Variants in PKDREJ observed in about 807,000 individuals in gnomAD.
The protein encoded by PKDREJ is PKD and REJ homolog.
For missense variants in PKDREJ, 2,507 were observed against 2,807.2 expected, an observed-to-expected ratio of 0.89 and a Z score of 2.42; for synonymous variants, 1,031 against 1,095.5, an observed-to-expected ratio of 0.94 and a Z score of 1.16.
Position 46,262,816 on chromosome 22 carries a change from T to A in PKDREJ, c.507A>T (p.Pro169=), listed in dbSNP as rs1936714028. 2 of 1,269,436 alleles carry A rather than the reference T, an allele frequency of 1.6e-6. No homozygotes were observed. Among genetic ancestry groups the A allele is most frequent in the African/African-American group, 3.1e-5 (2 of 64,870 alleles). 78.6% of individuals were successfully genotyped at this position (1,269,436 alleles called of 1,614,324 possible). The change falls in exon 1 of 1, where the codon CCA becomes CCT. Residue 169 remains proline, a synonymous_variant. Transcript: ENST00000253255. The surrounding 1 kb of genome is among the most constrained non-coding windows in gnomAD (Gnocchi z 8.1). ...AARVSPRSAA[P]GPRPQQGFVA... Reference sequence around the variant, plus strand: ...CGAAGCCCTGCTGGGGCCGCGGGCCTGGCGCGGCGGAGCGCGGGGAGACGC... The same window carrying A: ...CGAAGCCCTGCTGGGGCCGCGGGCCAGGCGCGGCGGAGCGCGGGGAGACGC...
rs1323295439 is a variant in PKDREJ, at chr22:46,262,936, G to C, written c.387C>G (p.Ser129=). 81 of 1,078,528 alleles carry C rather than the reference G, an allele frequency of 7.5e-5. No homozygotes were observed. The highest frequency in any genetic ancestry group is 8.2e-5 in the Non-Finnish European group (73 of 892,272). 66.8% of individuals were successfully genotyped at this position (1,078,528 alleles called of 1,614,324 possible). Residue 129 remains serine, a synonymous_variant, in exon 1 of 1, where the codon TCC becomes TCG. Coordinates refer to ENST00000253255, the MANE Select transcript of PKDREJ (RefSeq NM_006071.2). This position sits in a 1 kb window ranked among gnomAD's most constrained non-coding sequence, Gnocchi z 8.1. ...ARGGRLSLTW[S]VRLPRSPGRL... ...GCCCGGGCGAGCGCGGCAGCCGCACGGACCACGTCAGGGAGAGGCGGCCGC... is the reference window on the plus strand; with the variant it reads ...GCCCGGGCGAGCGCGGCAGCCGCACCGACCACGTCAGGGAGAGGCGGCCGC...
chr22:46,259,266 T>G lies in PKDREJ; in HGVS notation c.4057A>C (p.Thr1353Pro), dbSNP rs1936668263. The G allele has an allele frequency of 1.9e-6, 3 of 1,614,174 alleles. No individual in the cohort carries two copies. The highest frequency in any genetic ancestry group is 2.5e-6 in the Non-Finnish European group (3 of 1,180,042). Residue 1353 changes from threonine to proline, a missense_variant, in exon 1 of 1, where the codon ACT (threonine) becomes CCT (proline). Thr to Pro is a conservative substitution (Grantham distance 38). Transcript: ENST00000253255. The surrounding 1 kb of genome is among the most constrained non-coding windows in gnomAD (Gnocchi z 6.8). The stretch of plus-strand genomic sequence containing the variant: ...TCTATAAAGAAAAAGTCTTTTCTAG[T>G]CAGACGCTCATCTGGATGGGTAACG... ...FHVTHPDERL[T>P]RKDFFFIDVS... is the part of the protein sequence containing the mutation.
chr22:46,257,790 C>A lies in PKDREJ; in HGVS notation c.5533G>T (p.Asp1845Tyr), dbSNP rs754599047. 6.2e-7 allele frequency: 1 copy of A among 1,614,080 alleles called. No individual in the cohort carries two copies. Among genetic ancestry groups the A allele is most frequent in the African/African-American group, 1.3e-5 (1 of 74,942 alleles). Residue 1845 changes from aspartate (D) to tyrosine (Y), a missense_variant, in exon 1 of 1, where the codon GAT becomes TAT. Physicochemically the swap from Asp to Tyr is radical, Grantham distance 160. Coordinates refer to ENST00000253255, the MANE Select transcript of PKDREJ (RefSeq NM_006071.2). This position sits in a 1 kb window ranked among gnomAD's most constrained non-coding sequence, Gnocchi z 4.7. ...KNYSGFWNEVDKQAIDESTNG... is the reference protein window; with the variant it reads ...KNYSGFWNEVYKQAIDESTNG... ...GTACTCTCATCTATAGCCTGCTTAT[C>A]AACTTCATTCCAAAAGCCAGAATAG...
In PKDREJ at chr22:46,260,780, C is replaced by T. The variant is rs1250216102; in HGVS notation, c.2543G>A (p.Gly848Glu). The change falls in exon 1 of 1, where the codon GGG becomes GAG. Residue 848 changes from glycine (G) to glutamate (E), a missense_variant. Coordinates refer to ENST00000253255, the MANE Select transcript of PKDREJ (RefSeq NM_006071.2). This position sits in a 1 kb window ranked among gnomAD's most constrained non-coding sequence, Gnocchi z 4.5. ...SDTILANKVP[G>E]NKTTSMRTPN... is the part of the protein sequence containing the mutation. ...GGTTCTCATTGAGGTGGTTTTGTTC[C>T]CTGGCACTTTATTAGCCAGTATTGT... 1.2e-6 allele frequency: 2 copies of T among 1,613,972 alleles called. No individual in the cohort carries two copies. Among genetic ancestry groups the T allele is most frequent in the East Asian group, 2.2e-5 (1 of 44,888 alleles).
At position 46,257,398 on chromosome 22, in the gene PKDREJ, G is replaced by GA; in HGVS notation, c.5924dup (p.Ala1977SerfsTer5). ...AACCCTCATCAACAACGTAGGCTAA[G>GA]AAAAAAATGAGAATGGCCACATACA... On this transcript the variant is annotated frameshift_variant, in exon 1 of 1. Coordinates refer to ENST00000253255, the MANE Select transcript of PKDREJ (RefSeq NM_006071.2). LOFTEE classifies it low-confidence loss of function (END_TRUNC). The surrounding 1 kb of genome is among the most constrained non-coding windows in gnomAD (Gnocchi z 4.7). 1 of 1,613,744 alleles carries GA rather than the reference G, an allele frequency of 6.2e-7. No individual in the cohort carries two copies. Among genetic ancestry groups the GA allele is most frequent in the Non-Finnish European group, 8.5e-7 (1 of 1,179,960 alleles).
At position 46,256,707 on chromosome 22, in the gene PKDREJ, A is replaced by G. The variant is rs368009620; in HGVS notation, c.6616T>C (p.Phe2206Leu). ...TTGGCCTTAGATTGCGAGGTCAGAA[A>G]GCTGAACATGGTTCTCAGCTTACGG... ...LCRKLRTMFS[F>L]LTSQSKAKDE... Residue 2206 changes from phenylalanine to leucine, a missense_variant, in exon 1 of 1, where the codon TTT becomes CTT. Phe to Leu is a conservative substitution (Grantham distance 22). Coordinates refer to ENST00000253255, the MANE Select transcript of PKDREJ (RefSeq NM_006071.2). This position sits in a 1 kb window ranked among gnomAD's most constrained non-coding sequence, Gnocchi z 5.3. The G allele has an allele frequency of 1.9e-6, 3 of 1,614,174 alleles. No homozygotes were observed. The highest frequency in any genetic ancestry group is 1.6e-4 in the Middle Eastern group (1 of 6,062).
chr22:46,259,257 C>A lies in PKDREJ; in HGVS notation c.4066G>T (p.Asp1356Tyr), dbSNP rs770914652. 8.1e-6 allele frequency: 13 copies of A among 1,613,786 alleles called. No individual in the cohort carries two copies. The South Asian group carries it at 1.2e-4, about 15-fold the overall frequency. Residue 1356 changes from aspartate (D) to tyrosine (Y), a missense_variant, in exon 1 of 1, where the codon GAC becomes TAC. Transcript: ENST00000253255. The surrounding 1 kb of genome is among the most constrained non-coding windows in gnomAD (Gnocchi z 6.8). ...THPDERLTRK[D>Y]FFFIDVSSNL... The stretch of plus-strand genomic sequence containing the variant: ...CTACTCACATCTATAAAGAAAAAGT[C>A]TTTTCTAGTCAGACGCTCATCTGGA...
rs34287403 is a variant in PKDREJ, at chr22:46,259,447, G to A, written c.3876C>T (p.Asp1292=). ...FLLTTKSDLG[D]IHSIRVWHNN... ...TGTGCCACACACGGATGGAATGGAT[G>A]TCCCCCAAGTCACTTTTTGTCGTTA... is the stretch of plus-strand genomic sequence containing the variant. The change falls in exon 1 of 1, where the codon GAC becomes GAT. Residue 1292 remains aspartate (D), a synonymous_variant. Coordinates refer to ENST00000253255, the MANE Select transcript of PKDREJ (RefSeq NM_006071.2). This position sits in a 1 kb window ranked among gnomAD's most constrained non-coding sequence, Gnocchi z 6.8. 28,866 of 1,614,132 alleles carry A rather than the reference G, an allele frequency of 0.018. 344 individuals are homozygous for A. Among genetic ancestry groups the A allele is most frequent in the Middle Eastern group, 0.04 (243 of 6,062 alleles).
chr22:46,259,657 T>C lies in PKDREJ; in HGVS notation c.3666A>G (p.Pro1222=), dbSNP rs763442673. Residue 1222 remains proline, a synonymous_variant, in exon 1 of 1, where the codon CCA becomes CCG. Transcript: ENST00000253255. The surrounding 1 kb of genome is among the most constrained non-coding windows in gnomAD (Gnocchi z 6.8). ...ATAAATTATCATAAGGATCATTATC[T>C]GGTAGAACTATCACATGCCCCCGAA... ...QHLRGHVIVL[P]DNDPYDNLCY... 6.2e-7 allele frequency: 1 copy of C among 1,614,206 alleles called. No individual in the cohort carries two copies.
Position 46,262,597 on chromosome 22 carries a change from G to A in PKDREJ, c.726C>T (p.Asn242=). 2 of 1,612,310 alleles carry A rather than the reference G, an allele frequency of 1.2e-6. No homozygotes were observed. Among genetic ancestry groups the A allele is most frequent in the African/African-American group, 1.3e-5 (1 of 74,982 alleles). ...CCGGGCAGTCCAGCTGCACCGAGGC[G>A]TTGATGGTGGCCTCCGCCTGCATGC... ...RLSMQAEATI[N]ASVQLDCPAA... is the part of the protein sequence containing the mutation. Residue 242 remains asparagine (N), a synonymous_variant, in exon 1 of 1, where the codon AAC becomes AAT. Coordinates refer to ENST00000253255, the MANE Select transcript of PKDREJ (RefSeq NM_006071.2). The surrounding 1 kb of genome is among the most constrained non-coding windows in gnomAD (Gnocchi z 8.1).
chr22:46,262,462 G>A lies in PKDREJ; in HGVS notation c.861C>T (p.Ser287=). The part of the protein sequence containing the change: ...LDLPQLEIRN[S]PLFIHIPNNS... The stretch of plus-strand genomic sequence containing the variant: ...TATTGGGGATGTGAATGAACAAGGG[G>A]CTGTTCCTGATCTCGAGCTGGGGCA... Residue 287 remains serine, a synonymous_variant, in exon 1 of 1, where the codon AGC becomes AGT. Transcript: ENST00000253255. This position sits in a 1 kb window ranked among gnomAD's most constrained non-coding sequence, Gnocchi z 8.1. 1 of 1,600,702 alleles carries A rather than the reference G, an allele frequency of 6.2e-7. No homozygotes were observed. Among genetic ancestry groups the A allele is most frequent in the Non-Finnish European group, 8.5e-7 (1 of 1,172,510 alleles).
At position 46,260,156 on chromosome 22, in the gene PKDREJ, A is replaced by G. The variant is rs749416179; in HGVS notation, c.3167T>C (p.Val1056Ala). ...PACTVKKARV[V>A]CLPVSLLQLI... ...TTGCAGCAGGGACACAGGGAGGCAG[A>G]CTACACGGGCCTTCTTCACTGTGCA... is the stretch of plus-strand genomic sequence containing the variant. The change falls in exon 1 of 1, where the codon GTC (valine) becomes GCC (alanine). Residue 1056 changes from valine to alanine, a missense_variant. Coordinates refer to ENST00000253255, the MANE Select transcript of PKDREJ (RefSeq NM_006071.2). This position sits in a 1 kb window ranked among gnomAD's most constrained non-coding sequence, Gnocchi z 4.5. The G allele has an allele frequency of 6.2e-7, 1 of 1,613,998 alleles. No homozygotes were observed. The highest frequency in any genetic ancestry group is 1.1e-5 in the South Asian group (1 of 91,066).
rs778545447 is a variant in PKDREJ, at chr22:46,257,567, G to T, written c.5756C>A (p.Thr1919Lys). ...CAGATTTATATCTGGATTAAAAGTT[G>T]TTAATTCCAAAACCACAGCCCATGT... Reference protein sequence around the residue: ...EKTWAVVLELTTFNPDINLFC... With the variant: ...EKTWAVVLELKTFNPDINLFC... The change falls in exon 1 of 1, where the codon ACA (threonine) becomes AAA (lysine). Residue 1919 changes from threonine (T) to lysine (K), a missense_variant. By Grantham distance (78) the Thr-to-Lys change is moderately conservative. Coordinates refer to ENST00000253255, the MANE Select transcript of PKDREJ (RefSeq NM_006071.2). The surrounding 1 kb of genome is among the most constrained non-coding windows in gnomAD (Gnocchi z 4.7). 6.2e-7 allele frequency: 1 copy of T among 1,614,114 alleles called. No individual in the cohort carries two copies. Among genetic ancestry groups the T allele is most frequent in the South Asian group, 1.1e-5 (1 of 91,066 alleles).
At position 46,260,647 on chromosome 22, in the gene PKDREJ, G is replaced by A; in HGVS notation, c.2676C>T (p.Ser892=). Residue 892 remains serine (S), a synonymous_variant, in exon 1 of 1, where the codon AGC becomes AGT. Coordinates refer to ENST00000253255, the MANE Select transcript of PKDREJ (RefSeq NM_006071.2). This position sits in a 1 kb window ranked among gnomAD's most constrained non-coding sequence, Gnocchi z 4.5. ...CATTTGCAGACAGACCAGGAACACT[G>A]CTCACATTGAGTGTTGGATAAAAAC... ...RNCFYPTLNV[S]SVPGLSANGP... 2 of 1,613,838 alleles carry A rather than the reference G, an allele frequency of 1.2e-6. No individual in the cohort carries two copies. The highest frequency in any genetic ancestry group is 1.7e-6 in the Non-Finnish European group (2 of 1,179,704).
chr22:46,257,995 C>A lies in PKDREJ; in HGVS notation c.5328G>T (p.Leu1776=), dbSNP rs774205705. ...AGCTTTCAGGAAGAAATGTTGGATT[C>A]AGGTCATTGTGTAACAAAGGCAACA... ...SVLLPLLHND[L]NPTFLPESSS... The change falls in exon 1 of 1, where the codon CTG becomes CTT. Residue 1776 remains leucine, a synonymous_variant. Coordinates refer to ENST00000253255, the MANE Select transcript of PKDREJ (RefSeq NM_006071.2). This position sits in a 1 kb window ranked among gnomAD's most constrained non-coding sequence, Gnocchi z 4.7. 7.4e-6 allele frequency: 12 copies of A among 1,613,906 alleles called. No individual in the cohort carries two copies. The highest frequency in any genetic ancestry group is 1.0e-5 in the Non-Finnish European group (12 of 1,180,018).
Position 46,262,485 on chromosome 22 carries a change from GCAGATC to G in PKDREJ, c.832_837del (p.Asp278_Leu279del). On this transcript the variant is annotated inframe_deletion, in exon 1 of 1. Transcript: ENST00000253255. The surrounding 1 kb of genome is among the most constrained non-coding windows in gnomAD (Gnocchi z 8.1). ...GGGCTGTTCCTGATCTCGAGCTGGG[GCAGATC>G]CAAGGGCTGCGTCCAGTCGGGCGCC... 6.3e-7 allele frequency: 1 copy of G among 1,593,410 alleles called. No homozygotes were observed. The highest frequency in any genetic ancestry group is 8.6e-7 in the Non-Finnish European group (1 of 1,168,800).
Position 46,260,561 on chromosome 22 carries a change from T to C in PKDREJ, c.2762A>G (p.Gln921Arg), listed in dbSNP as rs1250610275. ...TNDLFPWLND[Q>R]ENTSVEVSGF... ...AGACACCTCCACCGAAGTGTTTTCC[T>C]GATCATTTAACCAAGGAAAGAGGTC... The change falls in exon 1 of 1, where the codon CAG becomes CGG. Residue 921 changes from glutamine (Q) to arginine (R), a missense_variant. Transcript: ENST00000253255. This position sits in a 1 kb window ranked among gnomAD's most constrained non-coding sequence, Gnocchi z 4.5. 10 of 1,614,100 alleles carry C rather than the reference T, an allele frequency of 6.2e-6. No homozygotes were observed. Among genetic ancestry groups the C allele is most frequent in the Non-Finnish European group, 8.5e-6 (10 of 1,180,050 alleles).
In PKDREJ at chr22:46,259,069, T is replaced by A. The variant is rs774631673; in HGVS notation, c.4254A>T (p.Ser1418=). 8.1e-6 allele frequency: 13 copies of A among 1,613,622 alleles called. No homozygotes were observed. The highest frequency in any genetic ancestry group is 1.1e-5 in the Non-Finnish European group (13 of 1,179,792). The change falls in exon 1 of 1, where the codon TCA becomes TCT. Residue 1418 remains serine (S), a synonymous_variant. Transcript: ENST00000253255. The surrounding 1 kb of genome is among the most constrained non-coding windows in gnomAD (Gnocchi z 6.8). ...TTGATCTCATGTATTTCCTCTCTCT[T>A]GACTCAGTTTGTTCTTGTCTATTTA... ...FNLNRQEQTE[S]RERKYMRSMM...
Position 46,261,674 on chromosome 22 carries a change from A to G in PKDREJ, c.1649T>C (p.Val550Ala). ...GTTAATAATAAAAGAATGCCTGAAG[A>G]CCGAGGTCACTCCACTCCAACATGC... is the stretch of plus-strand genomic sequence containing the variant. The part of the protein sequence containing the change: ...YLACWSGVTS[V>A]FRHSFIINHG... Residue 550 changes from valine (V) to alanine (A), a missense_variant, in exon 1 of 1, where the codon GTC becomes GCC. Physicochemically the swap from Val to Ala is moderately conservative, Grantham distance 64. Coordinates refer to ENST00000253255, the MANE Select transcript of PKDREJ (RefSeq NM_006071.2). The surrounding 1 kb of genome is among the most constrained non-coding windows in gnomAD (Gnocchi z 7.1). 6.2e-7 allele frequency: 1 copy of G among 1,614,026 alleles called. No homozygotes were observed. The highest frequency in any genetic ancestry group is 8.5e-7 in the Non-Finnish European group (1 of 1,180,002).
Sources: allele counts gnomAD v4.1 joint callset, GRCh38; gene constraint gnomAD v4.1.1; non-coding constraint Gnocchi (gnomAD v3.1); transcripts MANE v1.5; gene names NCBI Gene and HGNC (gene_info 2026-07-23, HGNC 2026-07-21).